RAB3GAP2: variants seen among roughly 807,000 people sequenced by gnomAD.
RAB3GAP2 encodes RAB3 GTPase activating non-catalytic protein subunit 2, also known as rab3 GTPase-activating protein non-catalytic subunit.
A neutral mutation model predicts 185.3 loss-of-function variants in RAB3GAP2; 87 were observed. The ratio of observed to expected loss-of-function variants is 0.47; its 90% CI spans 0.39 to 0.56. The LOEUF is 0.56. Ranked by LOEUF, RAB3GAP2 falls within the 20% of genes least tolerant of loss-of-function variation. The pLI, the probability that RAB3GAP2 is intolerant of heterozygous loss-of-function variation, is 0.00. For synonymous variants in RAB3GAP2, 554 were observed against 576.1 expected (o/e 0.96, Z 0.55); for missense variants, 1,492 against 1,638.2 (o/e 0.91, Z 1.54).
intron 28 of RAB3GAP2, among the ~76,000 whole-genome samples, chr1:220,160,206 T>C (rs1393511483): frequency 6.6e-6 from 1 of 152,168 alleles, no homozygotes; most frequent in Non-Finnish European, 1.5e-5. Flanking sequence ...TAAGTACTTA[T>C]TAAGATTTTA....
In RAB3GAP2 at chr1:220,221,135, T is replaced by C. The variant is rs567483448; in HGVS notation, c.181-7156A>G. On this transcript the variant is annotated intron_variant, in intron 2 of 34. Coordinates refer to ENST00000358951, the MANE Select transcript of RAB3GAP2 (RefSeq NM_012414.4). ...TATTTCTTCATATACTGGAAACTTT[T>C]GTTTTCTTAGAATAGAAAATTATCA... 1.3e-4 allele frequency among the ~76,000 whole-genome samples: 20 copies of C among 152,332 alleles called. No individual in the cohort carries two copies. In the South Asian group the frequency reaches 1.4e-3, roughly 11 times the overall value.
chr1:220,159,305 G>T, intron 29 of RAB3GAP2, 81 bp downstream of exon 29: 1 of 1,181,822 alleles, frequency 8.5e-7, no homozygotes, highest in Non-Finnish European at 1.2e-6. Context: ...AAAAGGCAAA[G>T]TTCACCTATA....
At position 220,195,215 on chromosome 1, in the gene RAB3GAP2, TA is replaced by T. The variant is rs1658701445; in HGVS notation, c.1041-49del. ...ATATAAAACTGAGCTTCCAGGGTTT[TA>T]AAGTGCAAACTATCAAAATATAAGT... is the stretch of plus-strand genomic sequence containing the variant. On this transcript the variant is annotated intron_variant, in intron 11 of 34. Coordinates refer to ENST00000358951, the MANE Select transcript of RAB3GAP2 (RefSeq NM_012414.4). 2.5e-6 allele frequency: 4 copies of T among 1,607,030 alleles called. No homozygotes were observed. The East Asian group carries it at 8.9e-5, about 36-fold the overall frequency.
At chr1:220,233,898 A>G (rs1299345587) in intron 1 of RAB3GAP2, among the ~76,000 whole-genome samples, 2 of 152,070 alleles carry the variant, frequency 1.3e-5, no homozygotes, top group African/African-American at 4.8e-5. Context: ...ACAGGGTTTC[A>G]CCATATTGGC....
At chr1:220,157,672 C>T in intron 30 of RAB3GAP2, 130 bp downstream of exon 30, 1 of 1,071,224 alleles carries the variant, frequency 9.3e-7, no homozygotes, top group African/African-American at 1.6e-5. Context: ...ACCTTCTGGG[C>T]TCAAGTCAAA....
At chr1:220,191,907 T>G (rs1473502092) in intron 13 of RAB3GAP2, among the ~76,000 whole-genome samples, 1 of 150,978 alleles carries the variant, frequency 6.6e-6, no homozygotes, top group Non-Finnish European at 1.5e-5. Flanking sequence ...CACACAAGCC[T>G]TTTGGTGACA....
rs1659133556 is a variant in RAB3GAP2 at position 220,213,892 on chromosome 1, C to T, written c.268G>A (p.Val90Met). 3 of 1,613,448 alleles carry T rather than the reference C, an allele frequency of 1.9e-6. No individual in the cohort carries two copies. The highest frequency in any genetic ancestry group is 1.7e-4 in the Middle Eastern group (1 of 6,060). The change falls in exon 3 of 35, where the codon GTG (valine) becomes ATG (methionine). Residue 90 changes from valine to methionine, a missense_variant. This residue lies in a region of RAB3GAP2 where 177 missense variants were observed against 160.6 expected (regional missense o/e 1.10). Coordinates refer to ENST00000358951, the MANE Select transcript of RAB3GAP2 (RefSeq NM_012414.4). ...ACAGCTTTTTGCTCTCGAGCTATCA[C>T]CATAAGATCATTGGTTGGAGATAAG... ...LSLSPTNDLM[V>M]IAREQKAVFL...
intron 1 of RAB3GAP2, among the ~76,000 whole-genome samples, chr1:220,252,240 T>A (rs1288224676): frequency 6.7e-6 from 1 of 149,642 alleles, no homozygotes; most frequent in Admixed American, 6.6e-5. Context: ...TGGAAAGATA[T>A]AGATATTATA....
intron 24 of RAB3GAP2, 22 bp downstream of exon 24, chr1:220,170,870 G>T: frequency 6.3e-7 from 1 of 1,578,158 alleles, no homozygotes; most frequent in Non-Finnish European, 8.7e-7. Context: ...GGATGCAAAT[G>T]CTCAAATAAA....
chr1:220,245,929 G>A (rs982500276), intron 1 of RAB3GAP2, among the ~76,000 whole-genome samples: 1 of 152,156 alleles, frequency 6.6e-6, no homozygotes, highest in Admixed American at 6.5e-5. Context: ...ACACGGCAGG[G>A]TATTCCAACA....
intron 1 of RAB3GAP2, among the ~76,000 whole-genome samples, chr1:220,260,601 TG>T (rs1660114980): frequency 7.1e-6 from 1 of 141,772 alleles, no homozygotes; most frequent in South Asian, 2.2e-4. Flanking sequence ...GTTGGGGTGG[TG>T]GGGGGAGGGA....
chr1:220,210,785 T>C lies in RAB3GAP2; in HGVS notation c.510+16A>G. ...CAGTCAACTAGTGTTTTCCAGCTGT[T>C]GAAAACTCAACTCACCTCAGTGTAG... On this transcript the variant is annotated intron_variant, in intron 6 of 34. Transcript: ENST00000358951. 6.2e-7 allele frequency: 1 copy of C among 1,609,128 alleles called. No homozygotes were observed. The highest frequency in any genetic ancestry group is 8.5e-7 in the Non-Finnish European group (1 of 1,176,818).
At chr1:220,206,661 T>C (rs573776692) in intron 7 of RAB3GAP2, among the ~76,000 whole-genome samples, 67 of 152,292 alleles carry the variant, frequency 4.4e-4, no homozygotes, top group African/African-American at 1.5e-3. Context: ...TGATTAAAAC[T>C]CTTCAATGAC....
At chr1:220,188,292 A>C (rs576150253) in intron 17 of RAB3GAP2, among the ~76,000 whole-genome samples, 2 of 152,312 alleles carry the variant, frequency 1.3e-5, no homozygotes, top group South Asian at 4.1e-4. Context: ...TAAAGAAAAA[A>C]AAGTCGGGGA....
At chr1:220,154,227 C>A in intron 31 of RAB3GAP2, 170 bp from the exon 32 acceptor site, 1 of 973,242 alleles carries the variant, frequency 1.0e-6, no homozygotes, top group Non-Finnish European at 1.4e-6. Context: ...AGTAGACAGC[C>A]TTTAAGATGA....
At position 220,251,165 on chromosome 1, in the gene RAB3GAP2, T is replaced by A. The variant is rs1659923222; in HGVS notation, c.116-18302A>T. On this transcript the variant is annotated intron_variant, in intron 1 of 34. Transcript: ENST00000358951. Reference sequence around the variant, plus strand: ...AGTTGATGAATTAGTTAATAAATTGTGTTAAAACAATTGCATATCCATTTG... The same window carrying A: ...AGTTGATGAATTAGTTAATAAATTGAGTTAAAACAATTGCATATCCATTTG... Among the ~76,000 whole-genome samples the A allele has an allele frequency of 2.0e-5, 3 of 152,242 alleles. No homozygotes were observed. In the South Asian group the frequency reaches 6.2e-4, roughly 32 times the overall value.
In RAB3GAP2 at chr1:220,157,466, A is replaced by G. The variant is rs879234367; in HGVS notation, c.3359T>C (p.Ile1120Thr). 2.5e-6 allele frequency: 4 copies of G among 1,613,574 alleles called. No homozygotes were observed. In the South Asian group the frequency reaches 4.4e-5, roughly 18 times the overall value. Reference protein sequence around the residue: ...LMEADVSRDEIQVPVLDTEDA... With the variant: ...LMEADVSRDETQVPVLDTEDA... The stretch of plus-strand genomic sequence containing the variant: ...CTCAGTATCCAGCACAGGCACCTGT[A>G]TTTCATCCCTGCTAACATCTGCCTA... Residue 1120 changes from isoleucine (I) to threonine (T), a missense_variant, in exon 31 of 35, where the codon ATA (isoleucine) becomes ACA (threonine). Physicochemically the swap from Ile to Thr is moderately conservative, Grantham distance 89 (BLOSUM62 -1). Coordinates refer to ENST00000358951, the MANE Select transcript of RAB3GAP2 (RefSeq NM_012414.4).
intron 2 of RAB3GAP2, among the ~76,000 whole-genome samples, chr1:220,227,417 T>C (rs1349171425): frequency 6.6e-6 from 1 of 152,198 alleles, no homozygotes; most frequent in Non-Finnish European, 1.5e-5. Context: ...ACTCTGAACA[T>C]AAAAGTCATT....
Position 220,170,959 on chromosome 1 carries a change from T to G in RAB3GAP2, c.2739A>C (p.Lys913Asn), listed in dbSNP as rs1658163698. 1 of 1,614,174 alleles carries G rather than the reference T, an allele frequency of 6.2e-7. No homozygotes were observed. Among genetic ancestry groups the G allele is most frequent in the East Asian group, 2.2e-5 (1 of 44,882 alleles). The part of the protein sequence containing the change: ...LHSKGNTQTS[K>N]VSSLQAEPLP... ...GTGGCTCAGCCTGCAGTGATGACAC[T>G]TTGGAGGTCTGAGTGTTCCCTTTGC... Residue 913 changes from lysine (K) to asparagine (N), a missense_variant, in exon 24 of 35, where the codon AAA becomes AAC. Lys to Asn is a moderately conservative substitution (Grantham distance 94). This residue lies in a region of RAB3GAP2 where 681 missense variants were observed against 689.1 expected (regional missense o/e 0.99). Coordinates refer to ENST00000358951, the MANE Select transcript of RAB3GAP2 (RefSeq NM_012414.4).
Sources: allele counts gnomAD v4.1 joint callset (sites outside exome capture counted in the v4.1 genomes callset), GRCh38; gene constraint gnomAD v4.1.1; regional missense constraint gnomAD v4.1.1; transcripts MANE v1.5; gene names NCBI Gene and HGNC (gene_info 2026-07-23, HGNC 2026-07-21).